The following RCOR2 variants were observed in gnomAD, a reference collection of about 807,000 sequenced individuals.
The protein encoded by RCOR2 is REST corepressor 2.
Under a neutral mutation model 58.9 loss-of-function variants are expected in RCOR2, and 19 were observed. The ratio of observed to expected loss-of-function variants is 0.32; its 90% CI spans 0.23 to 0.47. The LOEUF (loss-of-function observed/expected upper bound fraction) is 0.47, where lower values mean the gene tolerates loss of function less well. RCOR2 is among the 20% of genes least tolerant of loss of function. RCOR2 has a pLI of 1.00. For missense variants in RCOR2, 590 were observed against 707.9 expected (o/e 0.83, Z 1.89); for synonymous variants, 286 against 278.7 (o/e 1.03, Z -0.26).
chr11:63,911,979 TG>T lies in RCOR2; in HGVS notation c.1457del (p.Pro486HisfsTer26). 5.6e-6 allele frequency: 5 copies of T among 899,098 alleles called. No homozygotes were observed. Among genetic ancestry groups the T allele is most frequent in the Non-Finnish European group, 7.0e-6 (5 of 717,962 alleles). 55.7% of individuals were successfully genotyped at this position (899,098 alleles called of 1,614,324 possible). A position where few individuals can be genotyped will look rare whatever the true frequency, so the allele number is the denominator to read the frequency against. The part of the protein sequence containing the change: ...LQPRLAPNQP[P>X]PPLIRPALAA... ...CCAGAGCGGGGCGGATGAGAGGCGG[TG>T]GGGGCTGGTTGGGGGCCAGCCGGGG... is the stretch of plus-strand genomic sequence containing the variant. On this transcript the variant is annotated frameshift_variant, in exon 12 of 12. Transcript: ENST00000301459. LOFTEE classifies it high-confidence loss of function.
At chr11:63,917,356 C>G (rs1255205980), upstream of RCOR2, among the ~76,000 whole-genome samples, 1 of 152,092 alleles carries the variant, frequency 6.6e-6, no homozygotes, top group African/African-American at 2.4e-5. Flanking sequence ...GCGGGGGCTC[C>G]CCTCGCGTCC....
chr11:63,919,449 C>G (rs1273037955), upstream of RCOR2, among the ~76,000 whole-genome samples: 1 of 152,260 alleles, frequency 6.6e-6, no homozygotes, highest in East Asian at 1.9e-4. Flanking sequence ...GGCTGCGGGG[C>G]GGGGCTGCGC....
intron 9 of RCOR2, 31 bp downstream of exon 9, chr11:63,912,839 C>T (rs765826322): frequency 1.2e-5 from 20 of 1,611,518 alleles, no homozygotes; most frequent in Non-Finnish European, 1.6e-5. Flanking sequence ...AGAAACCCCC[C>T]TTTGCACCCT....
chr11:63,917,223 T>C (rs1486248761), upstream of RCOR2, among the ~76,000 whole-genome samples: 1 of 140,460 alleles, frequency 7.1e-6, no homozygotes, highest in East Asian at 2.5e-4. Context: ...CCCCAGCCGA[T>C]GCCTCCGCCA....
In RCOR2 at chr11:63,916,970, GCGGCGGCGGCGGCGGCGA is replaced by G. The variant is rs1211240637; in HGVS notation, c.-532_-515del. On this transcript the variant is annotated 5_prime_UTR_variant, in exon 1 of 12. Transcript: ENST00000301459. ...GCGACGGCAGCCGGCCGGGGCACCG[GCGGCGGCGGCGGCGGCGA>G]CGGCGGCGGGACGGCGCGCACGGCG... 1 of 147,124 alleles carries G rather than the reference GCGGCGGCGGCGGCGGCGA, an allele frequency of 6.8e-6. No individual in the cohort carries two copies. The highest frequency in any genetic ancestry group is 1.5e-5 in the Non-Finnish European group (1 of 66,064). The allele number at this position is 147,124 out of a possible 1,614,324, so 9.1% of individuals were successfully genotyped here. A position where few individuals can be genotyped will look rare whatever the true frequency, so the allele number is the denominator to read the frequency against.
upstream of RCOR2, among the ~76,000 whole-genome samples, chr11:63,922,079 C>CCTG (rs1180302508): frequency 6.6e-6 from 1 of 152,122 alleles, no homozygotes; most frequent in Non-Finnish European, 1.5e-5. Flanking sequence ...CTAATCCCAC[C>CCTG]CTGCATGTGA....
chr11:63,912,620 G>A, intron 10 of RCOR2, 56 bp downstream of exon 10: 2 of 1,586,568 alleles, frequency 1.3e-6, no homozygotes, highest in Non-Finnish European at 1.7e-6. Context: ...CCCACTCCTT[G>A]GAGGGTGGGG....
At position 63,911,858 on chromosome 11, in the gene RCOR2, T is replaced by C; in HGVS notation, c.*7A>G. 6.8e-7 allele frequency: 1 copy of C among 1,476,946 alleles called. No individual in the cohort carries two copies. Among genetic ancestry groups the C allele is most frequent in the Admixed American group, 2.9e-5 (1 of 34,534 alleles). The allele number at this position is 1,476,946 out of a possible 1,614,324, so 91.5% of individuals were successfully genotyped here. ...TGGAGCCCGTGGTTGGTGGAGGACG[T>C]CAGGGCTCAGAGTGAGGGTGCTGGG... On this transcript the variant is annotated 3_prime_UTR_variant, in exon 12 of 12. Transcript: ENST00000301459.
chr11:63,922,127 T>A (rs1287214242), upstream of RCOR2, among the ~76,000 whole-genome samples: 1 of 152,206 alleles, frequency 6.6e-6, no homozygotes, highest in Non-Finnish European at 1.5e-5. Flanking sequence ...AAGAAGGTCC[T>A]CACCAGATTC....
chr11:63,912,992 G>A, intron 8 of RCOR2, 45 bp from the exon 9 acceptor site: 1 of 1,551,966 alleles, frequency 6.4e-7, no homozygotes. Context: ...CCCATCTCAG[G>A]CAGGCCACTA....
rs1452148496 is a variant in RCOR2, at chr11:63,912,124, G to A, written c.1313C>T (p.Pro438Leu). The part of the protein sequence containing the change: ...SVPRSVPPAP[P>L]PPPPPTSLSQ... ...CAGCGAGGTGGGAGGTGGAGGGGGT[G>A]GTGGCGCAGGGGGCACTGATCGGGG... Residue 438 changes from proline to leucine, a missense_variant, in exon 12 of 12, where the codon CCA (proline) becomes CTA (leucine). Coordinates refer to ENST00000301459, the MANE Select transcript of RCOR2 (RefSeq NM_173587.4). The A allele has an allele frequency of 6.6e-7, 1 of 1,509,818 alleles. No individual in the cohort carries two copies. The allele number at this position is 1,509,818 out of a possible 1,614,324, so 93.5% of individuals were successfully genotyped here.
chr11:63,916,691 A>G lies in RCOR2; in HGVS notation c.-235T>C. The G allele has an allele frequency of 1.6e-6, 1 of 619,648 alleles. No homozygotes were observed. The highest frequency in any genetic ancestry group is 2.2e-5 in the South Asian group (1 of 45,618). The allele number at this position is 619,648 out of a possible 1,614,324, so 38.4% of individuals were successfully genotyped here. ...AGAAAAGTTTGTGCAGAAGTGGGGG[A>G]CGCAAGGGATGAGCGCAAGGTCCGG... On this transcript the variant is annotated 5_prime_UTR_variant, in exon 1 of 12. Coordinates refer to ENST00000301459, the MANE Select transcript of RCOR2 (RefSeq NM_173587.4).
Position 63,914,434 on chromosome 11 carries a change from G to T in RCOR2, c.588C>A (p.Arg196=), listed in dbSNP as rs1941827764. The change falls in exon 6 of 12, where the codon CGC becomes CGA. Residue 196 remains arginine, a synonymous_variant. Coordinates refer to ENST00000301459, the MANE Select transcript of RCOR2 (RefSeq NM_173587.4). ...GCCCCCACCTGTCTTCTTTGTCCTT[G>T]CGGCCCCCCAGCCGCCGGGCCTGTC... ...MDRQARRLGG[R]KDKEDSDELE... 1 of 1,613,472 alleles carries T rather than the reference G, an allele frequency of 6.2e-7. No homozygotes were observed. Among genetic ancestry groups the T allele is most frequent in the Non-Finnish European group, 8.5e-7 (1 of 1,180,008 alleles).
At chr11:63,913,927 T>C (rs767565442) in intron 8 of RCOR2, 27 bp downstream of exon 8, 7 of 1,607,686 alleles carry the variant, frequency 4.4e-6, no homozygotes, top group East Asian at 2.2e-5. Flanking sequence ...CACCTTTGCA[T>C]AGCCCGTTCA....
chr11:63,924,566 T>G, the RCOR2 span, among the ~76,000 whole-genome samples: 1 of 152,290 alleles, frequency 6.6e-6, no homozygotes, highest in Non-Finnish European at 1.5e-5. Context: ...CTTTACTTCC[T>G]GATCTATCAG....
intron 4 of RCOR2, 39 bp from the exon 5 acceptor site, chr11:63,914,855 C>A (rs765221436): frequency 1.3e-6 from 2 of 1,581,824 alleles, no homozygotes; most frequent in Non-Finnish European, 1.7e-6. Context: ...TGAGCTGCCC[C>A]GGCACCGTTC....
chr11:63,927,306 A>G, the RCOR2 span, among the ~76,000 whole-genome samples: 1 of 145,958 alleles, frequency 6.9e-6, no homozygotes, highest in Non-Finnish European at 1.5e-5. Context: ...GGTCTCATTG[A>G]GTCACCCAGG....
chr11:63,911,890 A>G lies in RCOR2; in HGVS notation c.1547T>C (p.Leu516Pro). The change falls in exon 12 of 12, where the codon CTG becomes CCG. Residue 516 changes from leucine (L) to proline (P), a missense_variant. By Grantham distance (98) the Leu-to-Pro change is moderately conservative. This residue lies in a region of RCOR2 where 196 missense variants were observed against 210.7 expected (regional missense o/e 0.93). Transcript: ENST00000301459. ...TCAGAGTGAGGGTGCTGGGGGCTCC[A>G]GAGGGGTTCCAATCAGGGTGGGTGG... is the stretch of plus-strand genomic sequence containing the variant. ...QPPPTLIGTPLEPPAPSL is the reference protein window; with the variant it reads ...QPPPTLIGTPPEPPAPSL The G allele has an allele frequency of 3.0e-6, 3 of 1,004,700 alleles. No homozygotes were observed. The highest frequency in any genetic ancestry group is 4.2e-6 in the Non-Finnish European group (3 of 709,562). 62.2% of individuals were successfully genotyped at this position (1,004,700 alleles called of 1,614,324 possible). A position where few individuals can be genotyped will look rare whatever the true frequency, so the allele number is the denominator to read the frequency against.
Position 63,913,934 on chromosome 11 carries a change from T to A in RCOR2, c.891+20A>T. On this transcript the variant is annotated intron_variant, in intron 8 of 11. Coordinates refer to ENST00000301459, the MANE Select transcript of RCOR2 (RefSeq NM_173587.4). ...CCGAATGCCACCTTTGCATAGCCCGTTCATTTCCCAGGGCCCCACCTGGCG... is the reference window on the plus strand; with the variant it reads ...CCGAATGCCACCTTTGCATAGCCCGATCATTTCCCAGGGCCCCACCTGGCG... 13 of 1,611,028 alleles carry A rather than the reference T, an allele frequency of 8.1e-6. No individual in the cohort carries two copies. Among genetic ancestry groups the A allele is most frequent in the Non-Finnish European group, 1.1e-5 (13 of 1,177,836 alleles).
Sources: allele counts gnomAD v4.1 joint callset (sites outside exome capture counted in the v4.1 genomes callset), GRCh38; gene constraint gnomAD v4.1.1; regional missense constraint gnomAD v4.1.1; transcripts MANE v1.5; gene names NCBI Gene and HGNC (gene_info 2026-07-23, HGNC 2026-07-21).